KIF5B: variants seen among roughly 807,000 people sequenced by gnomAD.
KIF5B encodes the protein kinesin-1 heavy chain.
A neutral mutation model predicts 132.8 loss-of-function variants in KIF5B; 49 were observed. That is an observed-to-expected ratio of 0.37 (90% CI 0.29 to 0.47). The LOEUF is 0.47. Among genes scored for constraint, KIF5B ranks in the 20% least tolerant of loss-of-function variants. The pLI is 1.00. For synonymous variants in KIF5B, 355 were observed against 369.4 expected (o/e 0.96, Z 0.45); for missense variants, 780 against 1,144.0 (o/e 0.68, Z 4.59).
intron 8 of KIF5B, among the ~76,000 whole-genome samples, 153 bp downstream of exon 8, chr10:32,037,098 TATC>T (rs1257696768): frequency 6.6e-6 from 1 of 152,224 alleles, no homozygotes; most frequent in Non-Finnish European, 1.5e-5. Context: ...ATTCAGCTGA[TATC>T]ATCATAAGGC....
intron 10 of KIF5B, 36 bp from the exon 11 acceptor site, chr10:32,034,874 C>G: frequency 1.3e-6 from 2 of 1,505,032 alleles, no homozygotes; most frequent in Non-Finnish European, 1.8e-6. Context: ...AAGGATGAGA[C>G]TGAAATTATT....
intron 23 of KIF5B, 96 bp downstream of exon 23, chr10:32,017,956 T>C: frequency 1.7e-6 from 1 of 581,880 alleles, no homozygotes; most frequent in Admixed American, 2.8e-5. Context: ...GTATAAAAAT[T>C]CCTGAGGACT....
At chr10:32,054,014 T>G (rs765382910) in intron 1 of KIF5B, among the ~76,000 whole-genome samples, 13 of 152,234 alleles carry the variant, frequency 8.5e-5, no homozygotes, top group Non-Finnish European at 1.8e-4. Flanking sequence ...AAAGTTTACC[T>G]TCTAATCTTA....
Position 32,043,690 on chromosome 10 carries a change from A to T in KIF5B, c.215-3233T>A, listed in dbSNP as rs151279511. ...AGAATTCAAGAGAATACAAGTGGAT[A>T]AACCTTATTCAAAAGTAACAATTGT... On this transcript the variant is annotated intron_variant, in intron 2 of 25. Coordinates refer to ENST00000302418, the MANE Select transcript of KIF5B (RefSeq NM_004521.3). Among the ~76,000 whole-genome samples the T allele has an allele frequency of 2.4e-3, 361 of 152,372 alleles. 3 individuals are homozygous for T. In the East Asian group the frequency reaches 0.032, roughly 13 times the overall value.
intron 1 of KIF5B, among the ~76,000 whole-genome samples, chr10:32,055,215 C>T (rs993726262): frequency 1.3e-5 from 2 of 151,588 alleles, no homozygotes; most frequent in African/African-American, 4.8e-5. Context: ...TTTCTTTCTA[C>T]AATCATCGAT....
At chr10:32,021,154 G>A (rs371020380) in intron 18 of KIF5B, 23 bp from the exon 19 acceptor site, 3 of 1,606,138 alleles carry the variant, frequency 1.9e-6, no homozygotes, top group African/African-American at 2.7e-5. Context: ...GGGGGAAAAG[G>A]ATGTTAAAGT....
chr10:32,035,096 A>G (rs955376071), intron 10 of KIF5B, among the ~76,000 whole-genome samples: 2 of 152,100 alleles, frequency 1.3e-5, no homozygotes, highest in Non-Finnish European at 2.9e-5. Flanking sequence ...TATTTTTCCA[A>G]TTTGTTTGCA....
chr10:32,030,699 A>C (rs1841392577), intron 14 of KIF5B, among the ~76,000 whole-genome samples: 1 of 152,220 alleles, frequency 6.6e-6, no homozygotes, highest in African/African-American at 2.4e-5. Context: ...TGCATATTTA[A>C]TTTATTGTTT....
At chr10:32,034,247 G>C (rs1398217895) in intron 11 of KIF5B, among the ~76,000 whole-genome samples, 1 of 151,918 alleles carries the variant, frequency 6.6e-6, no homozygotes, top group Admixed American at 6.6e-5. Flanking sequence ...GATTAGCTGG[G>C]ATTACAGGCG....
intron 11 of KIF5B, 65 bp from the exon 12 acceptor site, chr10:32,034,103 C>T (rs1841434273): frequency 1.9e-6 from 2 of 1,056,290 alleles, no homozygotes; most frequent in African/African-American, 1.7e-5. Flanking sequence ...AATTTCATTC[C>T]TTTAAAAATT....
At chr10:32,055,180 T>C in intron 1 of KIF5B, among the ~76,000 whole-genome samples, 1 of 151,870 alleles carries the variant, frequency 6.6e-6, no homozygotes, top group East Asian at 1.9e-4. Context: ...GATCATCCTG[T>C]TTCAAAAAAA....
At chr10:32,034,573 G>T in intron 11 of KIF5B, 117 bp downstream of exon 11, 5 of 656,564 alleles carry the variant, frequency 7.6e-6, no homozygotes, top group South Asian at 9.9e-5. Context: ...AAATTATTTC[G>T]ATGTCTATTA....
At chr10:32,017,086 C>G (rs1841180930) in intron 24 of KIF5B, 57 bp downstream of exon 24, 1 of 1,413,260 alleles carries the variant, frequency 7.1e-7, no homozygotes, top group African/African-American at 1.4e-5. Flanking sequence ...ACGTTTTCCA[C>G]TAAATGAAAG....
intron 2 of KIF5B, among the ~76,000 whole-genome samples, chr10:32,042,105 A>C (rs1400524037): frequency 6.6e-6 from 1 of 152,212 alleles, no homozygotes; most frequent in Non-Finnish European, 1.5e-5. Flanking sequence ...AGAGGAAGCC[A>C]AAACAAAAAG....
chr10:32,014,944 G>A (rs1369786270), intron 25 of KIF5B, among the ~76,000 whole-genome samples: 1 of 152,066 alleles, frequency 6.6e-6, no homozygotes, highest in African/African-American at 2.4e-5. Context: ...CCAACATGGT[G>A]AAACCCCTCG....
intron 2 of KIF5B, among the ~76,000 whole-genome samples, chr10:32,044,398 G>A (rs550112838): frequency 9.8e-5 from 15 of 152,286 alleles, no homozygotes; most frequent in East Asian, 1.9e-4. Flanking sequence ...CATGCCGGGC[G>A]TGGTGGCTCA....
rs184221208 is a variant in KIF5B, at chr10:32,052,431, T to C, written c.126+3417A>G. Among the ~76,000 whole-genome samples, 7 of 152,338 alleles carry C rather than the reference T, an allele frequency of 4.6e-5. No individual in the cohort carries two copies. The East Asian group carries it at 1.3e-3, about 29-fold the overall frequency. ...GGGCAAGATTATCTAATTAGTTTTATTCTCTTCTAATTTCTCGGAACTACC... is the reference window on the plus strand; with the variant it reads ...GGGCAAGATTATCTAATTAGTTTTACTCTCTTCTAATTTCTCGGAACTACC... On this transcript the variant is annotated intron_variant, in intron 1 of 25. Coordinates refer to ENST00000302418, the MANE Select transcript of KIF5B (RefSeq NM_004521.3).
intron 25 of KIF5B, among the ~76,000 whole-genome samples, chr10:32,012,600 T>C (rs1196725772): frequency 6.6e-6 from 1 of 152,204 alleles, no homozygotes; most frequent in Non-Finnish European, 1.5e-5. Flanking sequence ...TATTTTTACA[T>C]CATAACTTTC....
intron 14 of KIF5B, among the ~76,000 whole-genome samples, chr10:32,030,860 AT>A (rs1841395024): frequency 6.6e-6 from 1 of 152,192 alleles, no homozygotes; most frequent in African/African-American, 2.4e-5. Context: ...CAGCATTTAA[AT>A]TAGATATTAA....
Sources: gnomAD v4.1 joint callset for allele counts (sites outside exome capture counted in the v4.1 genomes callset) on GRCh38, gnomAD v4.1.1 for gene constraint, MANE v1.5 for transcripts, NCBI Gene and HGNC (gene_info 2026-07-23, HGNC 2026-07-21) for gene names.